KDM4C: variants seen among roughly 807,000 people sequenced by gnomAD.
KDM4C encodes the protein lysine-specific demethylase 4C.
KDM4C carries 81 observed loss-of-function variants against 129.3 expected under a neutral mutation model. That is an observed-to-expected ratio of 0.63 (90% CI 0.52 to 0.75). KDM4C has a LOEUF of 0.75. Ranked by LOEUF, KDM4C falls within the 30% of genes least tolerant of loss-of-function variation. The pLI is 0.00. For synonymous variants in KDM4C, 573 were observed against 456.1 expected (o/e 1.26, Z -3.26); for missense variants, 1,457 against 1,304.0 (o/e 1.12, Z -1.81).
In KDM4C at chr9:6,787,377, C is replaced by T. The variant is rs575751644; in HGVS notation, c.-17-5595C>T. On this transcript the variant is annotated intron_variant, in intron 1 of 21. Coordinates refer to ENST00000381309, the MANE Select transcript of KDM4C (RefSeq NM_015061.6). ...CCTCCCTAGTAGCTCGGATCACAGG[C>T]ACGCACCACCACACCTGGCTAATTT... Among the ~76,000 whole-genome samples the T allele has an allele frequency of 5.3e-5, 8 of 152,310 alleles. No homozygotes were observed. The South Asian group carries it at 1.7e-3, about 32-fold the overall frequency.
intron 8 of KDM4C, among the ~76,000 whole-genome samples, chr9:6,939,348 G>A (rs1198802316): frequency 2.6e-5 from 4 of 152,032 alleles, no homozygotes; most frequent in African/African-American, 7.2e-5. Flanking sequence ...CCATCCCCCC[G>A]TGAGGGCATG....
chr9:6,848,223 G>A (rs558027097), intron 4 of KDM4C, among the ~76,000 whole-genome samples: 1 of 152,282 alleles, frequency 6.6e-6, no homozygotes, highest in Admixed American at 6.5e-5. Context: ...GCATTAGCAC[G>A]AAAAGGTTGG....
intron 18 of KDM4C, among the ~76,000 whole-genome samples, chr9:7,127,608 C>G (rs970987527): frequency 1.3e-5 from 2 of 152,146 alleles, no homozygotes; most frequent in Non-Finnish European, 2.9e-5. Context: ...ATACTTGACT[C>G]TAGACTGGAT....
chr9:7,013,002 G>A (rs1255025473), intron 13 of KDM4C, among the ~76,000 whole-genome samples: 1 of 151,876 alleles, frequency 6.6e-6, no homozygotes, highest in Non-Finnish European at 1.5e-5. Context: ...TTTTAATGTG[G>A]CACTGGTGAG....
rs1039390363 is a variant in KDM4C, at chr9:7,022,467, A to G, written c.2259+6538A>G. Among the ~76,000 whole-genome samples the G allele has an allele frequency of 7.2e-5, 11 of 152,186 alleles. 2 individuals are homozygous for G. The Middle Eastern group carries it at 0.01, about 141-fold the overall frequency. ...CTTTTTTAGATTGTTCACTGTTGGT[A>G]TATAGAAATGCTTCTGATTTTTATG... On this transcript the variant is annotated intron_variant, in intron 15 of 21. Coordinates refer to ENST00000381309, the MANE Select transcript of KDM4C (RefSeq NM_015061.6).
At chr9:6,868,726 A>C (rs1242411219) in intron 5 of KDM4C, among the ~76,000 whole-genome samples, 1 of 150,780 alleles carries the variant, frequency 6.6e-6, no homozygotes, top group African/African-American at 2.4e-5. Flanking sequence ...TGATTGGTTG[A>C]CTCCATGGAT....
At chr9:7,126,835 T>A (rs1216456430) in intron 18 of KDM4C, among the ~76,000 whole-genome samples, 1 of 150,348 alleles carries the variant, frequency 6.7e-6, no homozygotes, top group Non-Finnish European at 1.5e-5. Flanking sequence ...TCAGACAAGA[T>A]AGTAAAGAAC....
chr9:6,810,815 G>C (rs756063981), intron 3 of KDM4C, among the ~76,000 whole-genome samples: 14 of 152,150 alleles, frequency 9.2e-5, no homozygotes, highest in Non-Finnish European at 4.4e-5. Flanking sequence ...AGGCTTCAGT[G>C]AGTTGTGATT....
At chr9:7,026,002 C>G (rs976937817) in intron 15 of KDM4C, among the ~76,000 whole-genome samples, 2 of 151,918 alleles carry the variant, frequency 1.3e-5, no homozygotes, top group African/African-American at 4.8e-5. Context: ...GTCAGGAGTT[C>G]GAGACCATCC....
intron 4 of KDM4C, 39 bp from the exon 5 acceptor site, chr9:6,849,468 A>G: frequency 2.7e-6 from 4 of 1,482,556 alleles, no homozygotes; most frequent in Non-Finnish European, 3.6e-6. Flanking sequence ...TGGTTTAGTA[A>G]GATTTGATTT....
chr9:7,057,059 A>T (rs938131852), intron 17 of KDM4C, among the ~76,000 whole-genome samples: 1 of 152,176 alleles, frequency 6.6e-6, no homozygotes, highest in Non-Finnish European at 1.5e-5. Flanking sequence ...CAATGAATTC[A>T]TTATTCTTTG....
intron 1 of KDM4C, among the ~76,000 whole-genome samples, chr9:6,785,235 T>G (rs11795163): frequency 0.15 from 23,383 of 152,164 alleles, 2,135 homozygotes; most frequent in East Asian, 0.4. Context: ...TTTCTTGTGT[T>G]TGCCAGGAGT....
At chr9:6,737,192 T>G (rs1288920000) in intron 1 of KDM4C, among the ~76,000 whole-genome samples, 1 of 151,270 alleles carries the variant, frequency 6.6e-6, no homozygotes, top group Admixed American at 6.6e-5. Flanking sequence ...CGGGACCTAA[T>G]TAAAGTAAAG....
At chr9:6,928,820 TTC>T (rs1316506340) in intron 8 of KDM4C, among the ~76,000 whole-genome samples, 1 of 152,224 alleles carries the variant, frequency 6.6e-6, no homozygotes, top group African/African-American at 2.4e-5. Context: ...TGTCAGATTA[TTC>T]TGCTAATGCA....
chr9:6,823,405 A>G (rs1403322231), intron 4 of KDM4C, among the ~76,000 whole-genome samples: 3 of 152,204 alleles, frequency 2.0e-5, no homozygotes, highest in Non-Finnish European at 4.4e-5. Context: ...CATTTCATAA[A>G]GACTGAGAAT....
At chr9:6,955,761 A>G (rs1828955676) in intron 8 of KDM4C, among the ~76,000 whole-genome samples, 2 of 152,194 alleles carry the variant, frequency 1.3e-5, no homozygotes, top group African/African-American at 2.4e-5. Context: ...GTGGAGAAAA[A>G]TACACACTCT....
chr9:6,751,926 T>C (rs1818074321), intron 1 of KDM4C, among the ~76,000 whole-genome samples: 1 of 152,206 alleles, frequency 6.6e-6, no homozygotes, highest in Non-Finnish European at 1.5e-5. Flanking sequence ...GAAAATATCT[T>C]ACAAGGCAAC....
At chr9:6,875,500 A>G (rs574981907) in intron 5 of KDM4C, among the ~76,000 whole-genome samples, 5 of 152,206 alleles carry the variant, frequency 3.3e-5, no homozygotes, top group Non-Finnish European at 7.3e-5. Context: ...AGGTAGAACT[A>G]TGAAGTAATC....
intron 19 of KDM4C, among the ~76,000 whole-genome samples, chr9:7,157,303 G>C (rs1005129581): frequency 2.6e-5 from 4 of 152,086 alleles, no homozygotes; most frequent in African/African-American, 9.7e-5. Flanking sequence ...GTGCAGACAG[G>C]GACAATTTGA....
Sources: allele counts gnomAD v4.1 joint callset (sites outside exome capture counted in the v4.1 genomes callset), GRCh38; gene constraint gnomAD v4.1.1; transcripts MANE v1.5; gene names NCBI Gene and HGNC (gene_info 2026-07-23, HGNC 2026-07-21).